Variants in GRM8 observed in about 807,000 individuals in gnomAD.
The protein encoded by GRM8 is metabotropic glutamate receptor 8.
Under a neutral mutation model 87.2 loss-of-function variants are expected in GRM8, and 47 were observed. That is an observed-to-expected ratio of 0.54 (90% CI 0.43 to 0.69). GRM8 has a LOEUF of 0.69. Among genes scored for constraint, GRM8 ranks in the 30% least tolerant of loss-of-function variants. The pLI, the probability that GRM8 is intolerant of heterozygous loss-of-function variation, is 0.00. For synonymous variants in GRM8, 396 were observed against 404.5 expected (o/e 0.98, Z 0.25); for missense variants, 1,019 against 1,139.2 (o/e 0.89, Z 1.52).
chr7:126,950,938 T>A (rs1244734395), intron 3 of GRM8, among the ~76,000 whole-genome samples: 3 of 151,870 alleles, frequency 2.0e-5, no homozygotes, highest in Non-Finnish European at 4.4e-5. Flanking sequence ...TTTTTAACTG[T>A]CTTATTCTTG....
At chr7:126,589,632 T>C (rs2151037102) in intron 8 of GRM8, among the ~76,000 whole-genome samples, 1 of 152,306 alleles carries the variant, frequency 6.6e-6, no homozygotes, top group South Asian at 2.1e-4. Context: ...GCTCATGCTC[T>C]CTTGAAAGTG....
intron 6 of GRM8, among the ~76,000 whole-genome samples, chr7:126,799,322 G>A (rs1315958022): frequency 1.3e-5 from 2 of 152,044 alleles, no homozygotes; most frequent in African/African-American, 2.4e-5. Context: ...GCACGCTCAG[G>A]AATCTCCATT....
intron 8 of GRM8, among the ~76,000 whole-genome samples, chr7:126,558,382 T>A (rs1793367833): frequency 6.6e-6 from 1 of 152,174 alleles, no homozygotes. Flanking sequence ...TGTATATACA[T>A]GTATATATAC....
At chr7:127,092,580 G>A (rs1293996053) in intron 3 of GRM8, among the ~76,000 whole-genome samples, 2 of 152,130 alleles carry the variant, frequency 1.3e-5, no homozygotes, top group East Asian at 1.9e-4. Context: ...GGTGGTGCAT[G>A]ACTGTAATCT....
chr7:126,602,782 T>A (rs1349764587), intron 8 of GRM8, among the ~76,000 whole-genome samples: 1 of 151,378 alleles, frequency 6.6e-6, no homozygotes, highest in Admixed American at 6.6e-5. Context: ...CCAGATGGAT[T>A]CACAGCTGAA....
chr7:126,892,021 T>A (rs1241064758), intron 6 of GRM8, among the ~76,000 whole-genome samples: 161 of 95,006 alleles, frequency 1.7e-3, no homozygotes, highest in South Asian at 2.2e-3. Context: ...TCTTGCAGGG[T>A]AAAAAAAAAA....
At chr7:127,226,279 G>A (rs890698072) in intron 2 of GRM8, among the ~76,000 whole-genome samples, 27 of 152,186 alleles carry the variant, frequency 1.8e-4, no homozygotes, top group African/African-American at 6.3e-4. Flanking sequence ...AGAGAAGGCT[G>A]TAGAGGGCAG....
chr7:127,209,180 C>A (rs1251209595), intron 2 of GRM8, among the ~76,000 whole-genome samples: 2 of 152,138 alleles, frequency 1.3e-5, no homozygotes, highest in African/African-American at 2.4e-5. Flanking sequence ...AGACACTACA[C>A]CTTTAGTTTG....
At chr7:127,026,951 G>A (rs1020454514) in intron 3 of GRM8, among the ~76,000 whole-genome samples, 17 of 151,986 alleles carry the variant, frequency 1.1e-4, no homozygotes, top group Non-Finnish European at 1.5e-4. Context: ...TTTCTTCTAC[G>A]GTTTTTATGG....
intron 6 of GRM8, among the ~76,000 whole-genome samples, chr7:126,792,188 C>G (rs147867514): frequency 6.1e-4 from 93 of 152,314 alleles, no homozygotes; most frequent in African/African-American, 2.2e-3. Context: ...CCTGGGTGGC[C>G]TCTCCATATC....
At chr7:126,461,381 A>C (rs1460949716) in intron 9 of GRM8, among the ~76,000 whole-genome samples, 1 of 151,438 alleles carries the variant, frequency 6.6e-6, no homozygotes, top group Non-Finnish European at 1.5e-5. Context: ...ACTCCTCTCT[A>C]TCCCCAGCCT....
intron 7 of GRM8, among the ~76,000 whole-genome samples, chr7:126,766,848 A>G (rs2151595292): frequency 6.6e-6 from 1 of 152,220 alleles, no homozygotes; most frequent in East Asian, 1.9e-4. Flanking sequence ...TAATCAACTC[A>G]ACTGGTTTCC....
intron 3 of GRM8, among the ~76,000 whole-genome samples, chr7:127,069,927 G>A (rs1821511152): frequency 6.6e-6 from 1 of 152,096 alleles, no homozygotes; most frequent in Non-Finnish European, 1.5e-5. Context: ...AACATTAGTA[G>A]GTGTTCAACA....
chr7:126,561,886 T>A (rs942487596), intron 8 of GRM8, among the ~76,000 whole-genome samples: 4 of 151,334 alleles, frequency 2.6e-5, no homozygotes, highest in African/African-American at 9.7e-5. Flanking sequence ...GTTTGGTTTT[T>A]TTGTCCTTGC....
chr7:126,995,291 C>T (rs1309104764), intron 3 of GRM8, among the ~76,000 whole-genome samples: 1 of 152,160 alleles, frequency 6.6e-6, no homozygotes, highest in Non-Finnish European at 1.5e-5. Context: ...CTCTTTAATG[C>T]CCAGACACAG....
intron 3 of GRM8, among the ~76,000 whole-genome samples, chr7:126,979,976 A>G (rs993774957): frequency 6.6e-6 from 1 of 152,238 alleles, no homozygotes; most frequent in East Asian, 1.9e-4. Context: ...GCATGTGGCA[A>G]TTAGTTCCTC....
intron 2 of GRM8, among the ~76,000 whole-genome samples, chr7:127,168,154 A>C (rs555229462): frequency 6.6e-6 from 1 of 152,280 alleles, no homozygotes; most frequent in East Asian, 1.9e-4. Context: ...AACTTAAATA[A>C]ATTTACAAGA....
chr7:127,141,656 T>C (rs983089128), intron 2 of GRM8, among the ~76,000 whole-genome samples: 1 of 152,168 alleles, frequency 6.6e-6, no homozygotes, highest in Non-Finnish European at 1.5e-5. Flanking sequence ...AAAATTTAGG[T>C]ACAGATACCT....
chr7:126,704,784 T>C (rs1810318634), intron 7 of GRM8, among the ~76,000 whole-genome samples: 1 of 152,126 alleles, frequency 6.6e-6, no homozygotes, highest in African/African-American at 2.4e-5. Flanking sequence ...GACTGGTTGC[T>C]CTCAAACCCT....
Sources: gnomAD v4.1 joint callset for allele counts (sites outside exome capture counted in the v4.1 genomes callset) on GRCh38, gnomAD v4.1.1 for gene constraint, MANE v1.5 for transcripts, NCBI Gene and HGNC (gene_info 2026-07-23, HGNC 2026-07-21) for gene names.